The following SPAM1 variants were observed in gnomAD, a reference collection of about 807,000 sequenced individuals.
SPAM1 encodes sperm adhesion molecule 1.
Under a neutral mutation model 29.6 loss-of-function variants are expected in SPAM1, and 22 were observed. That is an observed-to-expected ratio of 0.74 (90% confidence interval 0.53 to 1.06). The LOEUF is 1.06. Ranked by LOEUF, SPAM1 falls within the 50% of genes least tolerant of loss-of-function variation. The pLI is 0.00. For synonymous variants in SPAM1, 194 were observed against 204.6 expected (o/e 0.95, Z 0.44); for missense variants, 534 against 604.0 (o/e 0.88, Z 1.21).
intron 1 of SPAM1, among the ~76,000 whole-genome samples, chr7:123,943,628 C>A (rs1252385223): frequency 6.6e-6 from 1 of 151,852 alleles, no homozygotes; most frequent in Non-Finnish European, 1.5e-5. Context: ...TCAAATAAAC[C>A]AAATATCTCT....
Position 123,953,956 on chromosome 7 carries a change from A to G in SPAM1, c.386A>G (p.Lys129Arg). ...SLQDHLDKAK[K>R]DITFYMPVDN... is the part of the protein sequence containing the mutation. ...CAAGACCATCTGGACAAAGCTAAGA[A>G]AGACATTACATTTTATATGCCAGTA... The change falls in exon 3 of 5, where the codon AAA becomes AGA. Residue 129 changes from lysine (K) to arginine (R), a missense_variant. Lys to Arg is a conservative substitution (Grantham distance 26). Coordinates refer to ENST00000682466, the MANE Select transcript of SPAM1 (RefSeq NM_153189.3). The G allele has an allele frequency of 3.1e-6, 5 of 1,613,792 alleles. No individual in the cohort carries two copies. Among genetic ancestry groups the G allele is most frequent in the Non-Finnish European group, 4.2e-6 (5 of 1,179,826 alleles).
At chr7:123,930,728 A>G (rs1033316260) in intron 1 of SPAM1, among the ~76,000 whole-genome samples, 2 of 152,138 alleles carry the variant, frequency 1.3e-5, no homozygotes, top group African/African-American at 2.4e-5. Context: ...GAGACATAGG[A>G]TTTACTGGGG....
intron 1 of SPAM1, among the ~76,000 whole-genome samples, chr7:123,942,520 G>C (rs1000175134): frequency 4.6e-5 from 7 of 152,188 alleles, no homozygotes; most frequent in African/African-American, 7.2e-5. Context: ...CATAGTATAT[G>C]CATAAAATCA....
At chr7:123,932,859 C>G (rs778731763) in intron 1 of SPAM1, among the ~76,000 whole-genome samples, 1 of 152,202 alleles carries the variant, frequency 6.6e-6, no homozygotes, top group South Asian at 2.1e-4. Flanking sequence ...CTCCCAAGAT[C>G]TCAATGGTAA....
intron 4 of SPAM1, among the ~76,000 whole-genome samples, chr7:123,958,737 C>G (rs1296411803): frequency 6.6e-6 from 1 of 151,418 alleles, no homozygotes; most frequent in East Asian, 2.0e-4. Context: ...GGGGCCAAGG[C>G]AGGAGGATTG....
downstream of SPAM1, among the ~76,000 whole-genome samples, chr7:123,961,135 A>G (rs907912423): frequency 6.6e-6 from 1 of 151,928 alleles, no homozygotes; most frequent in Non-Finnish European, 1.5e-5. Context: ...CATGGTAATA[A>G]GGATAACCAG....
intron 1 of SPAM1, among the ~76,000 whole-genome samples, chr7:123,942,216 T>A (rs888204355): frequency 1.3e-4 from 20 of 152,186 alleles, no homozygotes; most frequent in Non-Finnish European, 1.5e-5. Flanking sequence ...AAGAAAAAAT[T>A]TAATAGATTA....
At chr7:123,970,077 A>G (rs1554432342) in intron 5 of SPAM1, 2 of 925,184 alleles carry the variant, frequency 2.2e-6, no homozygotes, top group Non-Finnish European at 3.1e-6. Context: ...CTTTCTTTAC[A>G]TGGAGTCTCC....
At chr7:123,964,399 A>G (rs1421764214), downstream of SPAM1, among the ~76,000 whole-genome samples, 1 of 151,908 alleles carries the variant, frequency 6.6e-6, no homozygotes, top group African/African-American at 2.4e-5. Context: ...CTAATTTGCT[A>G]ATCCTAGATA....
downstream of SPAM1, among the ~76,000 whole-genome samples, chr7:123,962,185 G>A (rs1792368360): frequency 6.6e-6 from 1 of 151,902 alleles, no homozygotes; most frequent in African/African-American, 2.4e-5. Context: ...AGTGCTTGCT[G>A]TTTTTTGTCT....
At position 123,950,203 on chromosome 7, in the gene SPAM1, T is replaced by A. The variant is rs570279259; in HGVS notation, c.-207+220T>A. Among the ~76,000 whole-genome samples, 18 of 152,268 alleles carry A rather than the reference T, an allele frequency of 1.2e-4. No individual in the cohort carries two copies. The South Asian group carries it at 3.7e-3, about 32-fold the overall frequency. The stretch of plus-strand genomic sequence containing the variant: ...TTTCCGGGAGGATAAGGTTCTCTAT[T>A]AGGGTACCTATGTATTTATTTTTTA... On this transcript the variant is annotated intron_variant, in intron 2 of 4. Transcript: ENST00000682466.
At chr7:123,950,663 A>G (rs1227968641) in intron 2 of SPAM1, among the ~76,000 whole-genome samples, 3 of 152,064 alleles carry the variant, frequency 2.0e-5, no homozygotes, top group Non-Finnish European at 4.4e-5. Flanking sequence ...CAATCCACCA[A>G]TGAGGAACAC....
At position 123,954,036 on chromosome 7, in the gene SPAM1, A is replaced by G. The variant is rs760358457; in HGVS notation, c.466A>G (p.Arg156Gly). ...DWEEWRPTWA[R>G]NWKPKDVYKN... ...GGAAGAATGGAGACCCACTTGGGCA[A>G]GAAACTGGAAACCTAAAGATGTTTA... is the stretch of plus-strand genomic sequence containing the variant. Residue 156 changes from arginine (R) to glycine (G), a missense_variant, in exon 3 of 5, where the codon AGA becomes GGA. By Grantham distance (125) the Arg-to-Gly change is moderately radical. Transcript: ENST00000682466. The G allele has an allele frequency of 1.5e-5, 24 of 1,613,674 alleles. No homozygotes were observed. Among genetic ancestry groups the G allele is most frequent in the Non-Finnish European group, 2.0e-5 (24 of 1,179,772 alleles).
chr7:123,970,446 G>T, intron 6 of SPAM1: 1 of 549,320 alleles, frequency 1.8e-6, no homozygotes, highest in Non-Finnish European at 3.1e-6. Context: ...CTTCAAATAA[G>T]GTCACATTCT....
chr7:123,966,182 C>T (rs1270077887), intron 5 of SPAM1, among the ~76,000 whole-genome samples: 4 of 152,028 alleles, frequency 2.6e-5, no homozygotes, highest in Non-Finnish European at 4.4e-5. Context: ...CTCAACATCA[C>T]TGATCATTAG....
At chr7:123,937,378 G>A (rs1159426372) in intron 1 of SPAM1, among the ~76,000 whole-genome samples, 1 of 152,042 alleles carries the variant, frequency 6.6e-6, no homozygotes, top group Non-Finnish European at 1.5e-5. Context: ...AAGGCGGGCG[G>A]ATCACAAAGT....
chr7:123,939,449 A>C (rs1040017347), intron 1 of SPAM1, among the ~76,000 whole-genome samples: 1 of 152,180 alleles, frequency 6.6e-6, no homozygotes, highest in Non-Finnish European at 1.5e-5. Context: ...ACGCTTGCCT[A>C]CGAAAGACAT....
At chr7:123,926,547 C>T (rs1159996290) in intron 1 of SPAM1, among the ~76,000 whole-genome samples, 1 of 152,000 alleles carries the variant, frequency 6.6e-6, no homozygotes, top group Non-Finnish European at 1.5e-5. Flanking sequence ...TGATTATGGC[C>T]CCGTGACACA....
chr7:123,961,207 T>C (rs1412581093), downstream of SPAM1, among the ~76,000 whole-genome samples: 1 of 151,826 alleles, frequency 6.6e-6, no homozygotes, highest in Admixed American at 6.6e-5. Flanking sequence ...TTTTTGAACA[T>C]ATGCAATGTT....
Sources: gnomAD v4.1 joint callset for allele counts (sites outside exome capture counted in the v4.1 genomes callset) on GRCh38, gnomAD v4.1.1 for gene constraint, MANE v1.5 for transcripts, NCBI Gene and HGNC (gene_info 2026-07-23, HGNC 2026-07-21) for gene names.